Variants in CD226 observed in about 807,000 individuals in gnomAD.
CD226 encodes CD226 molecule, also known as CD226 antigen.
CD226 carries 24 observed loss-of-function variants against 34.9 expected under a neutral mutation model. That is an observed-to-expected ratio of 0.69 (90% CI 0.50 to 0.97). CD226 has a LOEUF of 0.97. CD226 is among the 50% of genes least tolerant of loss of function. The probability of loss-of-function intolerance (pLI) is 0.00; values close to 1 mark genes in which losing one functional copy is unlikely to be tolerated. For missense variants in CD226, 397 were observed against 412.7 expected, an observed-to-expected ratio of 0.96 and a Z score of 0.33; for synonymous variants, 148 against 147.4, an observed-to-expected ratio of 1.00 and a Z score of -0.03.
At chr18:69,906,728 G>A (rs552406848) in intron 2 of CD226, among the ~76,000 whole-genome samples, 2 of 152,268 alleles carry the variant, frequency 1.3e-5, no homozygotes, top group South Asian at 2.1e-4. Flanking sequence ...GGCAAATGAC[G>A]AATGGGAAGA....
chr18:69,947,059 T>C lies in CD226; in HGVS notation c.57A>G (p.Glu19=), dbSNP rs142782496. The change falls in exon 2 of 6, where the codon GAA becomes GAG. Residue 19 remains glutamate, a synonymous_variant. Coordinates refer to ENST00000582621, the MANE Select transcript of CD226 (RefSeq NM_001303618.2). ...GAACTGATGTATGCCAAAGCACCTC[T>C]TCACATAGAGCTGAAATATACAACA... is the stretch of plus-strand genomic sequence containing the variant. ...ALLHVYRALC[E]EVLWHTSVPF... is the part of the protein sequence containing the mutation. The C allele has an allele frequency of 6.2e-7, 1 of 1,612,812 alleles. No individual in the cohort carries two copies. Among genetic ancestry groups the C allele is most frequent in the African/African-American group, 1.3e-5 (1 of 74,884 alleles).
chr18:69,876,365 G>A (rs1983863131), intron 3 of CD226, among the ~76,000 whole-genome samples: 1 of 152,174 alleles, frequency 6.6e-6, no homozygotes, highest in Non-Finnish European at 1.5e-5. Flanking sequence ...CTGCTTGAAA[G>A]TACGACCACT....
At chr18:69,911,642 ATG>A (rs2055326687) in intron 2 of CD226, among the ~76,000 whole-genome samples, 1 of 152,148 alleles carries the variant, frequency 6.6e-6, no homozygotes, top group African/African-American at 2.4e-5. Flanking sequence ...TTCACTCAAA[ATG>A]AGGCCAGAAT....
rs1555675777 is a variant in CD226, at chr18:69,861,542, G to GTATATATATGTGTATA, written c.*2771_*2772insTATACACATATATATA. Reference sequence around the variant, plus strand: ...TTATCCATCGATATAAATTATATGTGTATATATATATGTATATATATATAT... The same window carrying GTATATATATGTGTATA: ...TTATCCATCGATATAAATTATATGTGTATATATATGTGTATATATATATATATGTATATATATATAT... On this transcript the variant is annotated 3_prime_UTR_variant, in exon 6 of 6. Coordinates refer to ENST00000582621, the MANE Select transcript of CD226 (RefSeq NM_001303618.2). 2.4e-5 allele frequency: 1 copy of GTATATATATGTGTATA among 41,526 alleles called. No individual in the cohort carries two copies. The highest frequency in any genetic ancestry group is 6.5e-5 in the Non-Finnish European group (1 of 15,316). The allele number at this position is 41,526 out of a possible 1,614,324, so 2.6% of individuals were successfully genotyped here. A position where few individuals can be genotyped will look rare whatever the true frequency, so the allele number is the denominator to read the frequency against.
upstream of CD226, among the ~76,000 whole-genome samples, chr18:69,949,123 AC>A (rs1568209915): frequency 6.6e-6 from 1 of 152,150 alleles, no homozygotes; most frequent in Non-Finnish European, 1.5e-5. Flanking sequence ...GACCTGAGTG[AC>A]ACACATAAAG....
intron 2 of CD226, among the ~76,000 whole-genome samples, chr18:69,903,463 G>T (rs2055212379): frequency 6.6e-6 from 1 of 152,060 alleles, no homozygotes; most frequent in Non-Finnish European, 1.5e-5. Flanking sequence ...CCAAGTTTGG[G>T]GATGTTACAG....
At chr18:69,935,904 C>G (rs964157687) in intron 2 of CD226, among the ~76,000 whole-genome samples, 6 of 152,178 alleles carry the variant, frequency 3.9e-5, no homozygotes, top group Non-Finnish European at 8.8e-5. Flanking sequence ...AACAAAATGG[C>G]TGCACACAAA....
chr18:69,930,922 A>G (rs1004259909), intron 2 of CD226, among the ~76,000 whole-genome samples: 4 of 152,222 alleles, frequency 2.6e-5, no homozygotes, highest in Non-Finnish European at 2.9e-5. Context: ...AGCAGCACAC[A>G]GTGAAAAATA....
chr18:69,863,452 AAT>A lies in CD226; in HGVS notation c.*860_*861del, dbSNP rs1381255460. 6.6e-6 allele frequency: 1 copy of A among 152,204 alleles called. No homozygotes were observed. Among genetic ancestry groups the A allele is most frequent in the Non-Finnish European group, 1.5e-5 (1 of 68,026 alleles). 9.4% of individuals were successfully genotyped at this position (152,204 alleles called of 1,614,324 possible). ...TTCTATACAGAATGAGAGATAAATAAATATGAGAATAGTAAAGGATTGCCCTC... is the reference window on the plus strand; with the variant it reads ...TTCTATACAGAATGAGAGATAAATAAATGAGAATAGTAAAGGATTGCCCTC... On this transcript the variant is annotated 3_prime_UTR_variant, in exon 6 of 6. Coordinates refer to ENST00000582621, the MANE Select transcript of CD226 (RefSeq NM_001303618.2).
intron 2 of CD226, among the ~76,000 whole-genome samples, chr18:69,904,307 T>C (rs1214532291): frequency 6.6e-6 from 1 of 152,224 alleles, no homozygotes; most frequent in Non-Finnish European, 1.5e-5. Flanking sequence ...ATTTGCAGTA[T>C]GTCCAAAGAG....
intron 2 of CD226, among the ~76,000 whole-genome samples, chr18:69,922,577 G>A (rs2055465677): frequency 1.3e-5 from 2 of 152,142 alleles, no homozygotes; most frequent in South Asian, 4.1e-4. Context: ...CACTGTGCCC[G>A]GCTTTGTATA....
In CD226 at chr18:69,861,730, A is replaced by AG. The variant is rs1240047842; in HGVS notation, c.*2583dup. On this transcript the variant is annotated 3_prime_UTR_variant, in exon 6 of 6. Coordinates refer to ENST00000582621, the MANE Select transcript of CD226 (RefSeq NM_001303618.2). ...CAGAATCATAGGTGCAAAAGAGTAG[A>AG]GGGGGAGAAACATACACTAGGGAGA... The AG allele has an allele frequency of 6.6e-6, 1 of 151,810 alleles. No individual in the cohort carries two copies. Among genetic ancestry groups the AG allele is most frequent in the African/African-American group, 2.4e-5 (1 of 41,376 alleles). 9.4% of individuals were successfully genotyped at this position (151,810 alleles called of 1,614,324 possible). A position where few individuals can be genotyped will look rare whatever the true frequency, so the allele number is the denominator to read the frequency against.
At chr18:69,875,386 C>A (rs1007342583) in intron 3 of CD226, among the ~76,000 whole-genome samples, 3 of 152,200 alleles carry the variant, frequency 2.0e-5, no homozygotes, top group African/African-American at 7.2e-5. Flanking sequence ...GATCCATCTG[C>A]CTTGGCCTCC....
In CD226 at chr18:69,882,549, G is replaced by A. The variant is rs74875777; in HGVS notation, c.728-9303C>T. On this transcript the variant is annotated intron_variant, in intron 3 of 5. Coordinates refer to ENST00000582621, the MANE Select transcript of CD226 (RefSeq NM_001303618.2). ...ACACATTTATTGAGAAAAATGTTAC[G>A]GCTGACTCCTTTGTATTAGATATCT... is the stretch of plus-strand genomic sequence containing the variant. 2.4e-3 allele frequency among the ~76,000 whole-genome samples: 367 copies of A among 152,210 alleles called. 2 individuals are homozygous for A. Among genetic ancestry groups the A allele is most frequent in the Non-Finnish European group, 4.5e-3 (304 of 68,006 alleles).
chr18:69,870,129 G>A (rs1983420235), intron 4 of CD226, among the ~76,000 whole-genome samples: 1 of 151,782 alleles, frequency 6.6e-6, no homozygotes, highest in Non-Finnish European at 1.5e-5. Context: ...AAAACCCAGA[G>A]AGCCCCGAAA....
At chr18:69,945,051 T>A (rs567690354) in intron 2 of CD226, among the ~76,000 whole-genome samples, 1 of 152,348 alleles carries the variant, frequency 6.6e-6, no homozygotes, top group Non-Finnish European at 1.5e-5. Context: ...AAAGCACTAT[T>A]ATGTCAGATG....
intron 2 of CD226, among the ~76,000 whole-genome samples, chr18:69,924,692 C>CAAAAAAA (rs56118102): frequency 0.63 from 35,818 of 56,772 alleles, 13,234 homozygotes; most frequent in East Asian, 0.82. Context: ...AAGGTATTGC[C>CAAAAAAA]AAAAAAAAAA....
intron 2 of CD226, among the ~76,000 whole-genome samples, chr18:69,931,575 G>C (rs2055589891): frequency 6.6e-6 from 1 of 152,192 alleles, no homozygotes; most frequent in Non-Finnish European, 1.5e-5. Context: ...AATTAAGGTA[G>C]AGAGACCGAC....
At chr18:69,928,545 T>C (rs573664962) in intron 2 of CD226, among the ~76,000 whole-genome samples, 1 of 152,154 alleles carries the variant, frequency 6.6e-6, no homozygotes, top group East Asian at 1.9e-4. Flanking sequence ...GGTGGGACAA[T>C]GTTTCCTTAG....
Sources: allele counts gnomAD v4.1 joint callset (sites outside exome capture counted in the v4.1 genomes callset), GRCh38; gene constraint gnomAD v4.1.1; transcripts MANE v1.5; gene names NCBI Gene and HGNC (gene_info 2026-07-23, HGNC 2026-07-21).